Variants in PCNX2 observed in about 807,000 individuals in gnomAD.
PCNX2 encodes the protein pecanex 2, also known as pecanex-like protein 2.
Under a neutral mutation model 223.8 loss-of-function variants are expected in PCNX2, and 168 were observed. The ratio of observed to expected loss-of-function variants is 0.75; its 90% CI spans 0.66 to 0.85. The LOEUF (loss-of-function observed/expected upper bound fraction) is 0.85. Among genes scored for constraint, PCNX2 ranks in the 40% least tolerant of loss-of-function variants. PCNX2 has a pLI of 0.00. For synonymous variants in PCNX2, 1,006 were observed against 1,052.6 expected, an observed-to-expected ratio of 0.96 and a Z score of 0.86; for missense variants, 2,507 against 2,675.5, an observed-to-expected ratio of 0.94 and a Z score of 1.39.
intron 13 of PCNX2, among the ~76,000 whole-genome samples, chr1:233,204,468 T>C (rs1681326480): frequency 6.6e-6 from 1 of 152,200 alleles, no homozygotes; most frequent in East Asian, 1.9e-4. Context: ...CCTTTTGTTT[T>C]CTCCCAATGT....
chr1:233,010,204 G>C (rs1020765029), intron 28 of PCNX2, among the ~76,000 whole-genome samples: 83 of 152,334 alleles, frequency 5.4e-4, no homozygotes, highest in African/African-American at 1.9e-3. Context: ...GAGAAGTTGA[G>C]ATGATGTCTT....
chr1:233,204,438 C>A (rs187488591), intron 13 of PCNX2, among the ~76,000 whole-genome samples: 33 of 152,296 alleles, frequency 2.2e-4, no homozygotes, highest in African/African-American at 7.9e-4. Context: ...GAGCTGTACA[C>A]TTCTTTTTCC....
In PCNX2 at chr1:233,252,507, C is replaced by A; in HGVS notation, c.1983-8G>T. ...TGTCTATTGCCCTGAAAACTTAACACATATAAAAGTTTCAAAAAAAATGAT... is the reference window on the plus strand; with the variant it reads ...TGTCTATTGCCCTGAAAACTTAACAAATATAAAAGTTTCAAAAAAAATGAT... On this transcript the variant is annotated splice_region_variant and splice_polypyrimidine_tract_variant and intron_variant, in intron 6 of 33. Transcript: ENST00000258229. The A allele has an allele frequency of 6.3e-7, 1 of 1,590,920 alleles. No individual in the cohort carries two copies. The highest frequency in any genetic ancestry group is 8.6e-7 in the Non-Finnish European group (1 of 1,166,898).
At position 233,250,835 on chromosome 1, in the gene PCNX2, G is replaced by T; in HGVS notation, c.2129-3C>A. On this transcript the variant is annotated splice_region_variant and splice_polypyrimidine_tract_variant and intron_variant, in intron 7 of 33. Coordinates refer to ENST00000258229, the MANE Select transcript of PCNX2 (RefSeq NM_014801.4). ...TAAATAACAGGATCTAATTTCCCCT[G>T]TAAAATCAGAAAATTTCAGCAAAGA... 6.3e-7 allele frequency: 1 copy of T among 1,575,932 alleles called. No individual in the cohort carries two copies. Among genetic ancestry groups the T allele is most frequent in the Non-Finnish European group, 8.6e-7 (1 of 1,159,552 alleles).
chr1:232,997,765 C>A (rs1669924887), intron 32 of PCNX2, among the ~76,000 whole-genome samples: 1 of 152,152 alleles, frequency 6.6e-6, no homozygotes, highest in Non-Finnish European at 1.5e-5. Flanking sequence ...CTGTGGGCAC[C>A]CTTTCTGCCC....
intron 21 of PCNX2, among the ~76,000 whole-genome samples, chr1:233,130,117 C>A (rs1477413070): frequency 6.6e-6 from 1 of 152,164 alleles, no homozygotes; most frequent in Non-Finnish European, 1.5e-5. Context: ...TGCAGCCTCA[C>A]TCCTGAAGCC....
chr1:233,034,212 AAAAC>A (rs1449310025), intron 25 of PCNX2, among the ~76,000 whole-genome samples: 8 of 152,262 alleles, frequency 5.3e-5, no homozygotes, highest in South Asian at 2.1e-4. Context: ...ATCCGTCCCA[AAAAC>A]AAACAAACAA....
At chr1:233,123,089 G>A (rs1357260793) in intron 21 of PCNX2, among the ~76,000 whole-genome samples, 1 of 152,132 alleles carries the variant, frequency 6.6e-6, no homozygotes, top group African/African-American at 2.4e-5. Flanking sequence ...GAGAAAGGAC[G>A]TTAGACCAAA....
At position 232,986,505 on chromosome 1, in the gene PCNX2, G is replaced by A. The variant is rs997649737; in HGVS notation, c.5827C>T (p.His1943Tyr). ...RKGRSQSVQA[H>Y]SALSQRPPML... ...GGCGGCCTTTGGCTTAGCGCTGAGT[G>A]TGCCTGCACGGACTGGCTCCTGCCT... is the stretch of plus-strand genomic sequence containing the variant. Residue 1943 changes from histidine (H) to tyrosine (Y), a missense_variant, in exon 33 of 34, where the codon CAC (histidine) becomes TAC (tyrosine). His to Tyr is a moderately conservative substitution (Grantham distance 83). This residue lies in a region of PCNX2 where 1,372 missense variants were observed against 1,509.4 expected (regional missense o/e 0.91). Transcript: ENST00000258229. 6.4e-7 allele frequency: 1 copy of A among 1,558,504 alleles called. No individual in the cohort carries two copies. The highest frequency in any genetic ancestry group is 1.9e-5 in the Admixed American group (1 of 52,768).
rs148309337 is a variant in PCNX2 at position 233,044,640 on chromosome 1, T to A, written c.4351+9628A>T. On this transcript the variant is annotated intron_variant, in intron 25 of 33. Transcript: ENST00000258229. ...GAATATATGAGCCAAAAGAATAGAA[T>A]AGAAAAATGGTGCTTCCTCATTTGT... Among the ~76,000 whole-genome samples, 1,360 of 152,108 alleles carry A rather than the reference T, an allele frequency of 8.9e-3. 7 individuals are homozygous for A. Among genetic ancestry groups the A allele is most frequent in the Non-Finnish European group, 0.014 (975 of 67,966 alleles).
At chr1:233,179,306 C>T (rs1052746469) in intron 15 of PCNX2, 131 bp from the exon 16 acceptor site, 14 of 940,122 alleles carry the variant, frequency 1.5e-5, no homozygotes, top group Non-Finnish European at 1.7e-5. Flanking sequence ...TTCCTGCCCA[C>T]GGACATATAA....
chr1:233,103,367 G>A (rs2102962802), intron 21 of PCNX2, among the ~76,000 whole-genome samples: 1 of 151,986 alleles, frequency 6.6e-6, no homozygotes, highest in South Asian at 2.1e-4. Context: ...CAAACACAAG[G>A]TATTATTCAC....
At chr1:233,281,487 C>T (rs1292062697) in intron 1 of PCNX2, among the ~76,000 whole-genome samples, 1 of 152,138 alleles carries the variant, frequency 6.6e-6, no homozygotes, top group Non-Finnish European at 1.5e-5. Context: ...ATATTTCCCT[C>T]CTATACTTAA....
At chr1:232,993,816 C>T (rs564556353) in intron 32 of PCNX2, among the ~76,000 whole-genome samples, 1 of 152,388 alleles carries the variant, frequency 6.6e-6, no homozygotes, top group South Asian at 2.1e-4. Context: ...ACTCCAACTC[C>T]AATGTGGCTA....
At chr1:233,171,265 T>C (rs923992747) in intron 17 of PCNX2, among the ~76,000 whole-genome samples, 2 of 152,180 alleles carry the variant, frequency 1.3e-5, no homozygotes, top group African/African-American at 4.8e-5. Context: ...TTTGTTCACT[T>C]GCAAATCAGA....
At chr1:233,311,276 G>A in the PCNX2 span, among the ~76,000 whole-genome samples, 1 of 152,226 alleles carries the variant, frequency 6.6e-6, no homozygotes. Flanking sequence ...AACATTGCCT[G>A]AGCAGTTGTT....
At chr1:233,120,035 C>A (rs1675678413) in intron 21 of PCNX2, among the ~76,000 whole-genome samples, 1 of 150,816 alleles carries the variant, frequency 6.6e-6, no homozygotes, top group African/African-American at 2.4e-5. Flanking sequence ...GGCGTGGTTG[C>A]ACGCGCCTGT....
chr1:233,006,895 C>T (rs1670305232), intron 28 of PCNX2, among the ~76,000 whole-genome samples: 1 of 151,928 alleles, frequency 6.6e-6, no homozygotes, highest in South Asian at 2.1e-4. Flanking sequence ...AGTGTGTGTG[C>T]CCATCTACCT....
chr1:233,228,177 C>T (rs1360692968), intron 9 of PCNX2, among the ~76,000 whole-genome samples: 5 of 152,072 alleles, frequency 3.3e-5, no homozygotes, highest in African/African-American at 1.2e-4. Context: ...GACATCCCAC[C>T]TGTGTTTTGT....
Sources: allele counts gnomAD v4.1 joint callset (sites outside exome capture counted in the v4.1 genomes callset), GRCh38; gene constraint gnomAD v4.1.1; regional missense constraint gnomAD v4.1.1; transcripts MANE v1.5; gene names NCBI Gene and HGNC (gene_info 2026-07-23, HGNC 2026-07-21).